MAPK8IP1: variants seen among roughly 807,000 people sequenced by gnomAD.
MAPK8IP1 encodes the protein C-Jun-amino-terminal kinase-interacting protein 1.
In MAPK8IP1, 17 loss-of-function variants were observed where a neutral mutation model predicts 72.6. The observed-to-expected ratio is 0.23, with a 90% CI of 0.16 to 0.35. The LOEUF (loss-of-function observed/expected upper bound fraction) is 0.35, where lower values mean the gene tolerates loss of function less well. MAPK8IP1 is among the 10% of genes least tolerant of loss of function. MAPK8IP1 has a pLI of 1.00. For missense variants in MAPK8IP1, 789 were observed against 1,009.7 expected (o/e 0.78, Z 2.96); for synonymous variants, 401 against 443.4 (o/e 0.90, Z 1.20).
intron 1 of MAPK8IP1, chr11:45,896,553 T>G: frequency 8.6e-7 from 1 of 1,166,882 alleles, no homozygotes; most frequent in Non-Finnish European, 1.1e-6. Context: ...TGGCATTGAT[T>G]GCAGTAACCT....
chr11:45,900,711 G>A lies in MAPK8IP1; in HGVS notation c.522+259G>A, dbSNP rs1391940888. On this transcript the variant is annotated intron_variant, in intron 3 of 11. Transcript: ENST00000241014. The surrounding 1 kb of genome is among the most constrained non-coding windows in gnomAD (Gnocchi z 6.5). The stretch of plus-strand genomic sequence containing the variant: ...AAGGAGGGAAGGACTGGGGTTAGGA[G>A]AGGAGTAGGGAATTAAGAGAATGAG... 6.6e-6 allele frequency among the ~76,000 whole-genome samples: 1 copy of A among 152,212 alleles called. No homozygotes were observed. Among genetic ancestry groups the A allele is most frequent in the Non-Finnish European group, 1.5e-5 (1 of 68,040 alleles).
At position 45,902,029 on chromosome 11, in the gene MAPK8IP1, G is replaced by A. The variant is rs777385985; in HGVS notation, c.572G>A (p.Arg191Gln). The change falls in exon 4 of 12, where the codon CGG (arginine) becomes CAG (glutamine). Residue 191 changes from arginine (R) to glutamine (Q), a missense_variant. Coordinates refer to ENST00000241014, the MANE Select transcript of MAPK8IP1 (RefSeq NM_005456.4). This position sits in a 1 kb window ranked among gnomAD's most constrained non-coding sequence, Gnocchi z 9.3. ...SLGKKHSWQD[R>Q]VSRSSSPLKT... ...GGCAAAAAGCACAGTTGGCAGGATCGGGTGTCTCGATCATCCTCACCCCTG... is the reference window on the plus strand; with the variant it reads ...GGCAAAAAGCACAGTTGGCAGGATCAGGTGTCTCGATCATCCTCACCCCTG... 8 of 1,614,122 alleles carry A rather than the reference G, an allele frequency of 5.0e-6. No individual in the cohort carries two copies. The highest frequency in any genetic ancestry group is 2.2e-5 in the East Asian group (1 of 44,878).
rs559632365 is a variant in MAPK8IP1, at chr11:45,904,004, C to T, written c.1509C>T (p.His503=). 15 of 1,613,380 alleles carry T rather than the reference C, an allele frequency of 9.3e-6. No homozygotes were observed. Among genetic ancestry groups the T allele is most frequent in the East Asian group, 8.9e-5 (4 of 44,880 alleles). ...HRAIFRFVPR[H]EDELELEVDD... ...CTGGGGACAGGTTTGTGCCTCGACACGAAGACGAACTTGAGCTGGAAGTGG... is the reference window on the plus strand; with the variant it reads ...CTGGGGACAGGTTTGTGCCTCGACATGAAGACGAACTTGAGCTGGAAGTGG... The change falls in exon 7 of 12, where the codon CAC becomes CAT. Residue 503 remains histidine (H), a synonymous_variant. Transcript: ENST00000241014. This position sits in a 1 kb window ranked among gnomAD's most constrained non-coding sequence, Gnocchi z 6.4.
At chr11:45,893,681 G>C (rs1427859509) in intron 1 of MAPK8IP1, among the ~76,000 whole-genome samples, 1 of 152,046 alleles carries the variant, frequency 6.6e-6, no homozygotes, top group Admixed American at 6.6e-5. Context: ...GCCTGCGGAG[G>C]GCCGTAGGAT....
Position 45,900,226 on chromosome 11 carries a change from C to T in MAPK8IP1, c.296C>T (p.Ala99Val). Residue 99 changes from alanine to valine, a missense_variant, in exon 3 of 12, where the codon GCG becomes GTG. Around this residue, in one of 4 missense-constraint regions of MAPK8IP1, gnomAD observed 112 missense variants for 192.8 expected, o/e 0.58. Coordinates refer to ENST00000241014, the MANE Select transcript of MAPK8IP1 (RefSeq NM_005456.4). The surrounding 1 kb of genome is among the most constrained non-coding windows in gnomAD (Gnocchi z 6.5). ...ATGCTGCAGATGGACCTGATCGACG[C>T]GACGGGGGACACTCCCGGGGCCGAG... Reference protein sequence around the residue: ...AEMLQMDLIDATGDTPGAEDD... With the variant: ...AEMLQMDLIDVTGDTPGAEDD... The T allele has an allele frequency of 3.0e-6, 4 of 1,331,002 alleles. No homozygotes were observed. The highest frequency in any genetic ancestry group is 3.8e-6 in the Non-Finnish European group (4 of 1,048,134). The allele number at this position is 1,331,002 out of a possible 1,614,324, so 82.4% of individuals were successfully genotyped here.
rs1435736863 is a variant in MAPK8IP1 at position 45,906,329 on chromosome 11, G to A, written c.*608G>A. 2.2e-6 allele frequency: 1 copy of A among 445,924 alleles called. No homozygotes were observed. The highest frequency in any genetic ancestry group is 3.8e-6 in the Non-Finnish European group (1 of 259,834). The allele number at this position is 445,924 out of a possible 1,614,324, so 27.6% of individuals were successfully genotyped here. A position where few individuals can be genotyped will look rare whatever the true frequency, so the allele number is the denominator to read the frequency against. ...GCATGCTGGCCTGTGGCAGGCCTAG[G>A]ACCTCAGGCGGGGAGGAGGAGCTGC... is the stretch of plus-strand genomic sequence containing the variant. On this transcript the variant is annotated 3_prime_UTR_variant, in exon 12 of 12. Coordinates refer to ENST00000241014, the MANE Select transcript of MAPK8IP1 (RefSeq NM_005456.4).
In MAPK8IP1 at chr11:45,904,140, A is replaced by G; in HGVS notation, c.1645A>G (p.Lys549Glu). 6.2e-7 allele frequency: 1 copy of G among 1,613,978 alleles called. No individual in the cohort carries two copies. Among genetic ancestry groups the G allele is most frequent in the African/African-American group, 1.3e-5 (1 of 75,030 alleles). Residue 549 changes from lysine (K) to glutamate (E), a missense_variant, in exon 7 of 12, where the codon AAG (lysine) becomes GAG (glutamate). Physicochemically the swap from Lys to Glu is moderately conservative, Grantham distance 56. Transcript: ENST00000241014. This position sits in a 1 kb window ranked among gnomAD's most constrained non-coding sequence, Gnocchi z 6.4. ...TGCCTATTACGCCATCGAGGTCACC[A>G]AGGAGCCCGAGCACATGGCAGGTAG... ...FPAYYAIEVT[K>E]EPEHMAALAK...
Position 45,902,394 on chromosome 11 carries a change from A to G in MAPK8IP1, c.627A>G (p.Glu209=). 1.9e-6 allele frequency: 3 copies of G among 1,573,618 alleles called. No homozygotes were observed. Among genetic ancestry groups the G allele is most frequent in the Non-Finnish European group, 2.6e-6 (3 of 1,160,168 alleles). ...CAGGGGAGCAGACACCACCGCATGA[A>G]CACATCTGCCTGAGCGATGAGCTGC... The part of the protein sequence containing the change: ...LKTGEQTPPH[E]HICLSDELPP... The change falls in exon 5 of 12, where the codon GAA becomes GAG. Residue 209 remains glutamate (E), a synonymous_variant. Transcript: ENST00000241014. The surrounding 1 kb of genome is among the most constrained non-coding windows in gnomAD (Gnocchi z 9.3).
rs948692371 is a variant in MAPK8IP1, at chr11:45,900,197, C to G, written c.267C>G (p.Ala89=). The G allele has an allele frequency of 3.8e-6, 5 of 1,320,394 alleles. No homozygotes were observed. Among genetic ancestry groups the G allele is most frequent in the Admixed American group, 8.3e-5 (2 of 24,084 alleles). The allele number at this position is 1,320,394 out of a possible 1,614,324, so 81.8% of individuals were successfully genotyped here. ...GGGGAGSRLQ[A]EMLQMDLIDA... ...GCGGCGCGGGGAGCCGGTTGCAGGC[C>G]GAGATGCTGCAGATGGACCTGATCG... The change falls in exon 3 of 12, where the codon GCC becomes GCG. Residue 89 remains alanine (A), a synonymous_variant. Coordinates refer to ENST00000241014, the MANE Select transcript of MAPK8IP1 (RefSeq NM_005456.4). The surrounding 1 kb of genome is among the most constrained non-coding windows in gnomAD (Gnocchi z 6.5).
chr11:45,892,460 A>G (rs901936676), intron 1 of MAPK8IP1, among the ~76,000 whole-genome samples: 3 of 152,178 alleles, frequency 2.0e-5, no homozygotes, highest in Non-Finnish European at 4.4e-5. Flanking sequence ...TCCCACCCAT[A>G]TGGATTAACT....
rs1464951582 is a variant in MAPK8IP1, at chr11:45,885,759, C to T, written c.-62C>T. 1.7e-5 allele frequency: 18 copies of T among 1,042,358 alleles called. No homozygotes were observed. The highest frequency in any genetic ancestry group is 2.4e-5 in the South Asian group (1 of 40,994). The allele number at this position is 1,042,358 out of a possible 1,614,324, so 64.6% of individuals were successfully genotyped here. A position where few individuals can be genotyped will look rare whatever the true frequency, so the allele number is the denominator to read the frequency against. On this transcript the variant is annotated 5_prime_UTR_variant, in exon 1 of 12. Coordinates refer to ENST00000241014, the MANE Select transcript of MAPK8IP1 (RefSeq NM_005456.4). ...TGCCCTCTCGCCGCGCCTCCGCCTCCTTCGCAGCCGCCGCCTCCTCCGCGC... is the reference window on the plus strand; with the variant it reads ...TGCCCTCTCGCCGCGCCTCCGCCTCTTTCGCAGCCGCCGCCTCCTCCGCGC...
Position 45,903,092 on chromosome 11 carries a change from G to A in MAPK8IP1, c.1325G>A (p.Cys442Tyr). ...EEAPRPQPPA[C>Y]LSEDSTPDEP... ...GCCCCGCGGCCCCAGCCCCCTGCCT[G>A]CCTCTCCGAGGACTCCACGCCTGAT... The change falls in exon 5 of 12, where the codon TGC (cysteine) becomes TAC (tyrosine). Residue 442 changes from cysteine to tyrosine, a missense_variant. This residue lies in a region of MAPK8IP1 where 377 missense variants were observed against 411.7 expected (regional missense o/e 0.92). Transcript: ENST00000241014. This position sits in a 1 kb window ranked among gnomAD's most constrained non-coding sequence, Gnocchi z 6.4. 1 of 1,611,560 alleles carries A rather than the reference G, an allele frequency of 6.2e-7. No homozygotes were observed. The highest frequency in any genetic ancestry group is 2.1e-4 in the Middle Eastern group (1 of 4,840).
At chr11:45,896,804 C>T in intron 1 of MAPK8IP1, 1 of 1,543,258 alleles carries the variant, frequency 6.5e-7, no homozygotes, top group African/African-American at 1.4e-5. Context: ...TGCCTTGAGC[C>T]CTGGCCCCCC....
At position 45,902,595 on chromosome 11, in the gene MAPK8IP1, G is replaced by A. The variant is rs1231797963; in HGVS notation, c.828G>A (p.Glu276=). ...RIHYQADVRL[E]ATEEIYLTPV... is the part of the protein sequence containing the mutation. ...ACTACCAGGCCGATGTGCGACTAGA[G>A]GCCACTGAGGAGATCTACCTGACCC... is the stretch of plus-strand genomic sequence containing the variant. Residue 276 remains glutamate (E), a synonymous_variant, in exon 5 of 12, where the codon GAG becomes GAA. Coordinates refer to ENST00000241014, the MANE Select transcript of MAPK8IP1 (RefSeq NM_005456.4). The surrounding 1 kb of genome is among the most constrained non-coding windows in gnomAD (Gnocchi z 9.3). 2 of 1,612,754 alleles carry A rather than the reference G, an allele frequency of 1.2e-6. No individual in the cohort carries two copies. The highest frequency in any genetic ancestry group is 1.3e-5 in the African/African-American group (1 of 74,886).
In MAPK8IP1 at chr11:45,905,924, C is replaced by A. The variant is rs886748107; in HGVS notation, c.*203C>A. 9 of 617,348 alleles carry A rather than the reference C, an allele frequency of 1.5e-5. No individual in the cohort carries two copies. The highest frequency in any genetic ancestry group is 4.3e-4 in the Middle Eastern group (1 of 2,334). 38.2% of individuals were successfully genotyped at this position (617,348 alleles called of 1,614,324 possible). On this transcript the variant is annotated 3_prime_UTR_variant, in exon 12 of 12. Coordinates refer to ENST00000241014, the MANE Select transcript of MAPK8IP1 (RefSeq NM_005456.4). ...TTATTGTAATATATGGGATTAGATT[C>A]ATCTATGGAGGGCAGAGTGGGCTGC...
chr11:45,896,599 G>C, intron 1 of MAPK8IP1: 1 of 1,312,718 alleles, frequency 7.6e-7, no homozygotes, highest in South Asian at 2.2e-5. Context: ...CGGCAGCAGC[G>C]CAAGGGCCAG....
rs924405820 is a variant in MAPK8IP1 at position 45,900,704 on chromosome 11, G to A, written c.522+252G>A. On this transcript the variant is annotated intron_variant, in intron 3 of 11. Transcript: ENST00000241014. This position sits in a 1 kb window ranked among gnomAD's most constrained non-coding sequence, Gnocchi z 6.5. ...GGGATTGAAGGAGGGAAGGACTGGGGTTAGGAGAGGAGTAGGGAATTAAGA... is the reference window on the plus strand; with the variant it reads ...GGGATTGAAGGAGGGAAGGACTGGGATTAGGAGAGGAGTAGGGAATTAAGA... Among the ~76,000 whole-genome samples the A allele has an allele frequency of 9.2e-5, 14 of 152,200 alleles. No homozygotes were observed. Among genetic ancestry groups the A allele is most frequent in the African/African-American group, 3.1e-4 (13 of 41,448 alleles).
Position 45,905,642 on chromosome 11 carries a change from C to A in MAPK8IP1, c.2064-7C>A. 6.2e-7 allele frequency: 1 copy of A among 1,613,474 alleles called. No homozygotes were observed. Among genetic ancestry groups the A allele is most frequent in the Non-Finnish European group, 8.5e-7 (1 of 1,179,460 alleles). ...TCTGAGCCATCTGTGTGTCCCCTGG[C>A]TTCTAGGAGAGCATTCCAGCAGTTC... On this transcript the variant is annotated splice_region_variant and splice_polypyrimidine_tract_variant and intron_variant, in intron 11 of 11. Coordinates refer to ENST00000241014, the MANE Select transcript of MAPK8IP1 (RefSeq NM_005456.4).
At position 45,903,568 on chromosome 11, in the gene MAPK8IP1, G is replaced by A; in HGVS notation, c.1493+128G>A. 1 of 813,158 alleles carries A rather than the reference G, an allele frequency of 1.2e-6. No homozygotes were observed. The highest frequency in any genetic ancestry group is 2.0e-6 in the Non-Finnish European group (1 of 488,890). 50.4% of individuals were successfully genotyped at this position (813,158 alleles called of 1,614,324 possible). A position where few individuals can be genotyped will look rare whatever the true frequency, so the allele number is the denominator to read the frequency against. ...AGCCTTCATTTATCCACTCAGCCCT[G>A]GGAGGACAGTGTCCACTCTCTAGGG... On this transcript the variant is annotated intron_variant, in intron 6 of 11. Transcript: ENST00000241014. This position sits in a 1 kb window ranked among gnomAD's most constrained non-coding sequence, Gnocchi z 6.4.
Sources: gnomAD v4.1 joint callset for allele counts (sites outside exome capture counted in the v4.1 genomes callset) on GRCh38, gnomAD v4.1.1 for gene constraint, gnomAD v4.1.1 regional missense constraint, Gnocchi (gnomAD v3.1) non-coding constraint, MANE v1.5 for transcripts, NCBI Gene and HGNC (gene_info 2026-07-23, HGNC 2026-07-21) for gene names.